The following USP6 variants were observed in gnomAD, a reference collection of about 807,000 sequenced individuals.
USP6 encodes ubiquitin specific peptidase 6.
In USP6, 128 loss-of-function variants were observed where a neutral mutation model predicts 175.7. The observed-to-expected ratio is 0.73, with a 90% CI of 0.63 to 0.84. USP6 has a LOEUF of 0.84. Ranked by LOEUF, USP6 falls within the 40% of genes least tolerant of loss-of-function variation. USP6 has a pLI of 0.00. For missense variants in USP6, 1,498 were observed against 1,760.3 expected (o/e 0.85, Z 2.67); for synonymous variants, 562 against 630.6 (o/e 0.89, Z 1.63).
intron 28 of USP6, among the ~76,000 whole-genome samples, chr17:5,146,489 C>T (rs2073615428): frequency 6.6e-6 from 1 of 152,130 alleles, no homozygotes; most frequent in African/African-American, 2.4e-5. Context: ...AAGACTGCTG[C>T]TGTTACACTT....
rs147590389 is a variant in USP6 at position 5,135,844 on chromosome 17, G to A, written c.580G>A (p.Ala194Thr). 2.9e-4 allele frequency: 465 copies of A among 1,599,080 alleles called. 1 individual carries two copies. The highest frequency in any genetic ancestry group is 2.2e-3 in the East Asian group (97 of 44,872). ...CTGCAGGGACCTGAGCCACATCACC[G>A]CCTTGTTCCTCCTTTATCTGCCTGA... is the stretch of plus-strand genomic sequence containing the variant. Reference protein sequence around the residue: ...GYCRDLSHITALFLLYLPEED... With the variant: ...GYCRDLSHITTLFLLYLPEED... The change falls in exon 17 of 38, where the codon GCC becomes ACC. Residue 194 changes from alanine to threonine, a missense_variant. Coordinates refer to ENST00000574788, the MANE Select transcript of USP6 (RefSeq NM_001304284.2).
intron 3 of USP6, 113 bp from the exon 4 acceptor site, chr17:5,121,262 C>T (rs545631874): frequency 6.0e-5 from 22 of 365,926 alleles, no homozygotes; most frequent in African/African-American, 3.0e-4. Context: ...TGTGCAGGTG[C>T]CTTTGGGGCC....
At position 5,140,036 on chromosome 17, in the gene USP6, A is replaced by G. The variant is rs546000609; in HGVS notation, c.1498+362A>G. Among the ~76,000 whole-genome samples, 401 of 152,198 alleles carry G rather than the reference A, an allele frequency of 2.6e-3. 4 individuals carry two copies. Among genetic ancestry groups the G allele is most frequent in the Non-Finnish European group, 2.5e-3 (170 of 67,996 alleles). On this transcript the variant is annotated intron_variant, in intron 22 of 37. Transcript: ENST00000574788. Reference sequence around the variant, plus strand: ...CACCAGCCCCCAGATCACAAAGCCAACCATGCCCAGCCCCATCCCAGCACC... The same window carrying G: ...CACCAGCCCCCAGATCACAAAGCCAGCCATGCCCAGCCCCATCCCAGCACC...
chr17:5,134,993 GA>G (rs906293415), intron 15 of USP6: 592 of 416,132 alleles, frequency 1.4e-3, no homozygotes, highest in East Asian at 2.8e-3. Flanking sequence ...GTGTGCAAAA[GA>G]AAAAAAAAAT....
Position 5,147,097 on chromosome 17 carries a change from T to C in USP6, c.2334T>C (p.Asp778=), listed in dbSNP as rs200112075. 3 of 1,612,930 alleles carry C rather than the reference T, an allele frequency of 1.9e-6. No homozygotes were observed. The South Asian group carries it at 3.3e-5, about 18-fold the overall frequency. The change falls in exon 29 of 38, where the codon GAT becomes GAC. Residue 778 remains aspartate, a synonymous_variant. Transcript: ENST00000574788. ...HDSNIKNFPQ[D]NQKVQLSVSG... ...TGTTTCTGTAGAACTTTCCTCAGGA[T>C]AACCAAAAAGTACAACTCTCAGTGA...
intron 32 of USP6, 43 bp downstream of exon 32, chr17:5,161,657 T>G: frequency 6.3e-7 from 1 of 1,596,800 alleles, no homozygotes; most frequent in Non-Finnish European, 8.6e-7. Context: ...GAATTTCAGC[T>G]TTAGATATTA....
chr17:5,163,140 T>C (rs2074037561), intron 33 of USP6, 136 bp downstream of exon 33: 9 of 1,307,936 alleles, frequency 6.9e-6, no homozygotes, highest in African/African-American at 1.5e-5. Flanking sequence ...TGGCACCTAA[T>C]ATATTGACAT....
At chr17:5,121,193 A>G (rs1441511789) in intron 3 of USP6, among the ~76,000 whole-genome samples, 182 bp from the exon 4 acceptor site, 1 of 152,170 alleles carries the variant, frequency 6.6e-6, no homozygotes, top group Non-Finnish European at 1.5e-5. Context: ...AAGAAATGCA[A>G]ACAACCGCAG....
At position 5,161,538 on chromosome 17, in the gene USP6, A is replaced by G. The variant is rs1395543051; in HGVS notation, c.2839A>G (p.Met947Val). 2.5e-6 allele frequency: 4 copies of G among 1,613,920 alleles called. No homozygotes were observed. Among genetic ancestry groups the G allele is most frequent in the Non-Finnish European group, 2.5e-6 (3 of 1,179,824 alleles). The change falls in exon 32 of 38, where the codon ATG (methionine) becomes GTG (valine). Residue 947 changes from methionine to valine, a missense_variant. By Grantham distance (21) the Met-to-Val change is conservative. Coordinates refer to ENST00000574788, the MANE Select transcript of USP6 (RefSeq NM_001304284.2). ...SIHAQDRDNC[M>V]GYQYPFTLRV... ...TCTCTTCTGTTTCAGTGATAACTGT[A>G]TGGGCTATCAATATCCATTCACTCT...
intron 2 of USP6, among the ~76,000 whole-genome samples, chr17:5,119,643 C>CCTTGAGGCTCAGCTCA (rs1380741135): frequency 6.6e-6 from 1 of 152,144 alleles, no homozygotes; most frequent in Non-Finnish European, 1.5e-5. Flanking sequence ...TTCATTTGTC[C>CCTTGAGGCTCAGCTCA]CTTGAGGCTC....
At chr17:5,161,286 C>G (rs1475473755) in intron 31 of USP6, among the ~76,000 whole-genome samples, 3 of 152,228 alleles carry the variant, frequency 2.0e-5, no homozygotes, top group African/African-American at 7.2e-5. Context: ...CACATGGACT[C>G]CCTTAGAGAC....
At chr17:5,141,324 G>A (rs1181057216) in intron 22 of USP6, 101 bp from the exon 23 acceptor site, 8 of 1,067,408 alleles carry the variant, frequency 7.5e-6, no homozygotes, top group Non-Finnish European at 1.1e-5. Context: ...TAAAACTTCC[G>A]ATTTAGGAAT....
At chr17:5,154,124 T>C (rs1333137895) in intron 30 of USP6, among the ~76,000 whole-genome samples, 1 of 152,236 alleles carries the variant, frequency 6.6e-6, no homozygotes, top group African/African-American at 2.4e-5. Flanking sequence ...CTGAACTCTG[T>C]CTGGATTTCT....
intron 25 of USP6, among the ~76,000 whole-genome samples, chr17:5,143,450 C>T (rs2143972941): frequency 6.6e-6 from 1 of 152,026 alleles, no homozygotes. Context: ...GATCTATGAC[C>T]TTACCCCCAA....
At position 5,168,752 on chromosome 17, in the gene USP6, C is replaced by A; in HGVS notation, c.3229-15C>A. The stretch of plus-strand genomic sequence containing the variant: ...GAACCCTTTAATGCGATGTTTTCTA[C>A]CTTTACTTCTCCAGATTATTCACCT... On this transcript the variant is annotated splice_polypyrimidine_tract_variant and intron_variant, in intron 34 of 37. Transcript: ENST00000574788. The A allele has an allele frequency of 3.9e-6, 6 of 1,548,778 alleles. No individual in the cohort carries two copies. Among genetic ancestry groups the A allele is most frequent in the Non-Finnish European group, 4.4e-6 (5 of 1,148,908 alleles).
chr17:5,140,562 G>A (rs541869732), intron 22 of USP6, among the ~76,000 whole-genome samples: 1 of 152,204 alleles, frequency 6.6e-6, no homozygotes, highest in African/African-American at 2.4e-5. Flanking sequence ...GACAGAGTGA[G>A]ACAATATCTC....
chr17:5,161,889 G>A (rs574439032), intron 32 of USP6, among the ~76,000 whole-genome samples: 1 of 152,250 alleles, frequency 6.6e-6, no homozygotes, highest in South Asian at 2.1e-4. Flanking sequence ...GTGTGTGCCT[G>A]TAATCCCAGC....
Position 5,137,181 on chromosome 17 carries a change from G to GACGGGGTA in USP6, c.822_825+4dup. On this transcript the variant is annotated frameshift_variant, in exon 19 of 38. Transcript: ENST00000574788. LOFTEE classifies it high-confidence loss of function. ...AGGCTGCCTTCTCCGGAACCTGATT[G>GACGGGGTA]ACGGGGTAAGGAGGCATAGGGAGAC... The GACGGGGTA allele has an allele frequency of 6.2e-7, 1 of 1,613,092 alleles. No individual in the cohort carries two copies. The highest frequency in any genetic ancestry group is 8.5e-7 in the Non-Finnish European group (1 of 1,179,480).
chr17:5,168,973 G>A lies in USP6; in HGVS notation c.3435G>A (p.Ala1145=), dbSNP rs140419784. The change falls in exon 35 of 38, where the codon GCG becomes GCA. Residue 1145 remains alanine (A), a synonymous_variant. Coordinates refer to ENST00000574788, the MANE Select transcript of USP6 (RefSeq NM_001304284.2). ...CAAGAGAGGTGAAGAAAGTGGATGC[G>A]CAGAGTTCGGCTGGAAAAGAGGACA... is the stretch of plus-strand genomic sequence containing the variant. ...ILAREVKKVD[A]QSSAGKEDML... The A allele has an allele frequency of 4.4e-4, 708 of 1,613,850 alleles. 2 individuals are homozygous for A. Among genetic ancestry groups the A allele is most frequent in the Non-Finnish European group, 5.6e-4 (665 of 1,179,868 alleles).
Sources: gnomAD v4.1 joint callset for allele counts (sites outside exome capture counted in the v4.1 genomes callset) on GRCh38, gnomAD v4.1.1 for gene constraint, MANE v1.5 for transcripts, NCBI Gene and HGNC (gene_info 2026-07-23, HGNC 2026-07-21) for gene names.